The following COL6A6 variants were observed in gnomAD, a reference collection of about 807,000 sequenced individuals.
COL6A6 encodes collagen type VI alpha 6 chain, also known as collagen alpha-6(VI) chain.
A neutral mutation model predicts 208.6 loss-of-function variants in COL6A6; 183 were observed. The ratio of observed to expected loss-of-function variants is 0.88; its 90% CI spans 0.78 to 0.99. COL6A6 has a LOEUF of 0.99. Among genes scored for constraint, COL6A6 ranks in the 50% least tolerant of loss-of-function variants. COL6A6 has a pLI of 0.00. For synonymous variants in COL6A6, 973 were observed against 1,011.8 expected, an observed-to-expected ratio of 0.96 and a Z score of 0.73; for missense variants, 2,816 against 2,815.2, an observed-to-expected ratio of 1.00 and a Z score of -0.01.
At chr3:130,619,259 A>G (rs1441826508) in intron 23 of COL6A6, among the ~76,000 whole-genome samples, 1 of 152,186 alleles carries the variant, frequency 6.6e-6, no homozygotes. Context: ...CAACACAGCT[A>G]GGAAGTTTGA....
rs781617559 is a variant in COL6A6 at position 130,662,130 on chromosome 3, C to T, written c.6324C>T (p.Ala2108=). 5 of 1,613,946 alleles carry T rather than the reference C, an allele frequency of 3.1e-6. No homozygotes were observed. The East Asian group carries it at 8.9e-5, about 29-fold the overall frequency. Residue 2108 remains alanine, a synonymous_variant, in exon 35 of 37, where the codon GCC becomes GCT. Coordinates refer to ENST00000358511, the MANE Select transcript of COL6A6 (RefSeq NM_001102608.3). ...GEILKKESLR[A]KCQGYALFVF... ...TCTTAAAGAAGGAATCCTTGCGAGCCAAATGTCAGGGATATGCCTTATTTG... is the reference window on the plus strand; with the variant it reads ...TCTTAAAGAAGGAATCCTTGCGAGCTAAATGTCAGGGATATGCCTTATTTG...
chr3:130,643,576 A>G (rs1309832867), intron 31 of COL6A6, among the ~76,000 whole-genome samples: 1 of 152,250 alleles, frequency 6.6e-6, no homozygotes, highest in East Asian at 1.9e-4. Context: ...TAAAATCAAA[A>G]TGACATTTTG....
intron 1 of COL6A6, among the ~76,000 whole-genome samples, chr3:130,538,683 C>A (rs2062281924): frequency 6.6e-6 from 1 of 152,142 alleles, no homozygotes; most frequent in Non-Finnish European, 1.5e-5. Context: ...AGTCTGATGC[C>A]AGAATCCATG....
At chr3:130,674,079 A>G (rs1385598572) in intron 36 of COL6A6, among the ~76,000 whole-genome samples, 1 of 152,220 alleles carries the variant, frequency 6.6e-6, no homozygotes, top group Non-Finnish European at 1.5e-5. Flanking sequence ...TGATTTGCCC[A>G]AAGCTGCTCG....
chr3:130,612,396 G>A (rs2064386011), intron 23 of COL6A6, among the ~76,000 whole-genome samples: 1 of 152,128 alleles, frequency 6.6e-6, no homozygotes, highest in African/African-American at 2.4e-5. Context: ...AGTCCCACCA[G>A]GAGTGTGCAA....
At chr3:130,645,233 A>G (rs1189437584) in intron 32 of COL6A6, among the ~76,000 whole-genome samples, 2 of 152,174 alleles carry the variant, frequency 1.3e-5, no homozygotes, top group Non-Finnish European at 2.9e-5. Context: ...TTAATAAAAA[A>G]TCATTAAGAT....
chr3:130,578,671 A>G (rs2063349853), intron 8 of COL6A6, among the ~76,000 whole-genome samples: 1 of 152,024 alleles, frequency 6.6e-6, no homozygotes, highest in East Asian at 1.9e-4. Flanking sequence ...TCAGAGAGTT[A>G]ACTTCCCTAC....
At chr3:130,635,486 A>C (rs932610547) in intron 27 of COL6A6, among the ~76,000 whole-genome samples, 1 of 152,212 alleles carries the variant, frequency 6.6e-6, no homozygotes, top group African/African-American at 2.4e-5. Flanking sequence ...CAGTGTTCTC[A>C]CTGGGGAGAC....
At chr3:130,556,530 T>A (rs1226351618) in intron 1 of COL6A6, among the ~76,000 whole-genome samples, 1 of 152,170 alleles carries the variant, frequency 6.6e-6, no homozygotes, top group Non-Finnish European at 1.5e-5. Context: ...CTTAGTTGTA[T>A]CTCCTTTTTC....
At chr3:130,516,791 T>A (rs913272046), upstream of COL6A6, among the ~76,000 whole-genome samples, 1 of 152,110 alleles carries the variant, frequency 6.6e-6, no homozygotes, top group Non-Finnish European at 1.5e-5. Flanking sequence ...AGATCCTGCC[T>A]TCTGCCAGAA....
chr3:130,594,399 A>T, intron 18 of COL6A6, 56 bp downstream of exon 18: 1 of 1,350,036 alleles, frequency 7.4e-7, no homozygotes, highest in Non-Finnish European at 1.0e-6. Flanking sequence ...CGTACTTCTG[A>T]TAGGGAGTCT....
At chr3:130,590,068 A>C in intron 12 of COL6A6, 1 of 422,542 alleles carries the variant, frequency 2.4e-6, no homozygotes, top group Non-Finnish European at 4.7e-6. Flanking sequence ...GTGTAGCATA[A>C]ATCTTAAAAG....
intron 36 of COL6A6, among the ~76,000 whole-genome samples, chr3:130,667,184 G>GC (rs1210639356): frequency 6.6e-6 from 1 of 152,182 alleles, no homozygotes; most frequent in Non-Finnish European, 1.5e-5. Flanking sequence ...GGAATGAGAT[G>GC]CAAGAGGCAA....
intron 23 of COL6A6, among the ~76,000 whole-genome samples, chr3:130,613,484 T>G (rs1398243190): frequency 1.3e-5 from 2 of 152,240 alleles, no homozygotes; most frequent in African/African-American, 2.4e-5. Flanking sequence ...TAGGATTGTC[T>G]TAGCTATTCA....
chr3:130,517,940 A>G (rs1710837856), intron 1 of COL6A6, among the ~76,000 whole-genome samples: 1 of 152,222 alleles, frequency 6.6e-6, no homozygotes. Flanking sequence ...AGCAGAGAAA[A>G]TGCACCCTTT....
intron 7 of COL6A6, among the ~76,000 whole-genome samples, chr3:130,573,635 C>T (rs557468363): frequency 6.1e-5 from 9 of 147,494 alleles, no homozygotes; most frequent in African/African-American, 2.3e-4. Context: ...GGCACAATCT[C>T]GGCTCACTAC....
chr3:130,586,868 C>A (rs1259671446), intron 11 of COL6A6, among the ~76,000 whole-genome samples: 3 of 152,046 alleles, frequency 2.0e-5, no homozygotes, highest in African/African-American at 7.3e-5. Context: ...AATTTATACA[C>A]TGGGCAAAAA....
chr3:130,529,867 C>A (rs2062043781), intron 1 of COL6A6, among the ~76,000 whole-genome samples: 1 of 152,196 alleles, frequency 6.6e-6, no homozygotes, highest in African/African-American at 2.4e-5. Context: ...ATGGCAGGGG[C>A]TCAGTGAATT....
chr3:130,562,191 T>C (rs574010661), intron 2 of COL6A6, among the ~76,000 whole-genome samples: 2 of 152,162 alleles, frequency 1.3e-5, no homozygotes, highest in Non-Finnish European at 2.9e-5. Flanking sequence ...AAACAACAGT[T>C]AGTGTTTGAA....
Sources: gnomAD v4.1 joint callset for allele counts (sites outside exome capture counted in the v4.1 genomes callset) on GRCh38, gnomAD v4.1.1 for gene constraint, MANE v1.5 for transcripts, NCBI Gene and HGNC (gene_info 2026-07-23, HGNC 2026-07-21) for gene names.